Variants in ZNF326 observed in about 807,000 individuals in gnomAD.
ZNF326 encodes the protein DBIRD complex subunit ZNF326.
In ZNF326, 30 loss-of-function variants were observed where a neutral mutation model predicts 63.1. The ratio of observed to expected loss-of-function variants is 0.48; its 90% CI spans 0.36 to 0.64. The LOEUF (loss-of-function observed/expected upper bound fraction) is 0.64. Ranked by LOEUF, ZNF326 falls within the 30% of genes least tolerant of loss-of-function variation. ZNF326 has a pLI of 0.00. For synonymous variants in ZNF326, 194 were observed against 228.2 expected, an observed-to-expected ratio of 0.85 and a Z score of 1.35; for missense variants, 609 against 720.3, an observed-to-expected ratio of 0.85 and a Z score of 1.77.
At chr1:89,998,814 A>C (rs1648526350) in intron 2 of ZNF326, among the ~76,000 whole-genome samples, 1 of 152,220 alleles carries the variant, frequency 6.6e-6, no homozygotes, top group Non-Finnish European at 1.5e-5. Flanking sequence ...AAACATATGA[A>C]GGACTTGAGG....
In ZNF326 at chr1:90,013,197, A is replaced by G. The variant is rs747674459; in HGVS notation, c.886A>G (p.Arg296Gly). The G allele has an allele frequency of 6.2e-7, 1 of 1,610,898 alleles. No individual in the cohort carries two copies. The highest frequency in any genetic ancestry group is 1.1e-5 in the South Asian group (1 of 90,486). Reference protein sequence around the residue: ...IEARREKQRRRREKNSEKYGD... With the variant: ...IEARREKQRRGREKNSEKYGD... ...GGCTCGGCGAGAGAAACAAAGGCGC[A>G]GAAGAGAAAAAAACAGTGAGAAATA... Residue 296 changes from arginine (R) to glycine (G), a missense_variant, in exon 7 of 12, where the codon AGA becomes GGA. Arg to Gly is a moderately radical substitution (Grantham distance 125). Around this residue, in one of 3 missense-constraint regions of ZNF326, gnomAD observed 399 missense variants for 444.3 expected, o/e 0.90. Transcript: ENST00000340281.
intron 9 of ZNF326, among the ~76,000 whole-genome samples, chr1:90,019,541 T>C (rs1011827320): frequency 6.6e-6 from 1 of 152,164 alleles, no homozygotes; most frequent in African/African-American, 2.4e-5. Flanking sequence ...ATGTTTTCTT[T>C]ATCCTTTTGT....
At chr1:90,008,396 A>G (rs909728922) in intron 5 of ZNF326, among the ~76,000 whole-genome samples, 3 of 152,224 alleles carry the variant, frequency 2.0e-5, no homozygotes, top group Non-Finnish European at 2.9e-5. Flanking sequence ...CTCTTGAGAA[A>G]TAATTTCCAC....
At chr1:90,018,588 G>A (rs940973853) in intron 8 of ZNF326, 97 bp from the exon 9 acceptor site, 6 of 582,316 alleles carry the variant, frequency 1.0e-5, no homozygotes, top group Non-Finnish European at 1.8e-5. Context: ...TTCTTATGTA[G>A]CAGATACTGT....
In ZNF326 at chr1:90,031,976, G is replaced by A. The variant is rs1448465101; in HGVS notation, c.*4275G>A. The stretch of plus-strand genomic sequence containing the variant: ...CAGTTCATTTTATAAATAAACAATT[G>A]ACTTTTTTTGGTAGTTATGGTCCCT... On this transcript the variant is annotated 3_prime_UTR_variant, in exon 12 of 12. Transcript: ENST00000340281. 1 of 152,126 alleles carries A rather than the reference G, an allele frequency of 6.6e-6. No individual in the cohort carries two copies. The allele number at this position is 152,126 out of a possible 1,614,324, so 9.4% of individuals were successfully genotyped here. A position where few individuals can be genotyped will look rare whatever the true frequency, so the allele number is the denominator to read the frequency against.
chr1:90,033,283 G>A lies in ZNF326; in HGVS notation c.*5582G>A, dbSNP rs1348773303. The A allele has an allele frequency of 1.3e-5, 2 of 151,980 alleles. No homozygotes were observed. The highest frequency in any genetic ancestry group is 2.9e-5 in the Non-Finnish European group (2 of 67,996). The allele number at this position is 151,980 out of a possible 1,614,324, so 9.4% of individuals were successfully genotyped here. ...TATATAAAAAGTTTGTTGACTCCTA[G>A]GCTCTCATTTGCAAGTAGACAAATG... On this transcript the variant is annotated 3_prime_UTR_variant, in exon 12 of 12. Transcript: ENST00000340281.
chr1:89,998,408 C>T (rs1648508273), intron 2 of ZNF326, among the ~76,000 whole-genome samples: 1 of 151,964 alleles, frequency 6.6e-6, no homozygotes, highest in African/African-American at 2.4e-5. Context: ...TTCCAAAGGG[C>T]CTAACTACAT....
chr1:90,008,702 T>TA (rs1008254966), intron 5 of ZNF326, among the ~76,000 whole-genome samples: 1 of 152,202 alleles, frequency 6.6e-6, no homozygotes, highest in Non-Finnish European at 1.5e-5. Flanking sequence ...GTATTTCTAG[T>TA]AAAAAAGGTA....
At chr1:90,026,096 T>A (rs1237655763) in intron 11 of ZNF326, among the ~76,000 whole-genome samples, 1 of 152,138 alleles carries the variant, frequency 6.6e-6, no homozygotes, top group Non-Finnish European at 1.5e-5. Flanking sequence ...CCTGAGTAGC[T>A]GGGACTACAG....
rs1423549450 is a variant in ZNF326, at chr1:90,005,260, A to C, written c.209+16A>C. 1.2e-6 allele frequency: 2 copies of C among 1,603,418 alleles called. No individual in the cohort carries two copies. Among genetic ancestry groups the C allele is most frequent in the Admixed American group, 3.5e-5 (2 of 56,962 alleles). Reference sequence around the variant, plus strand: ...GGGGTAGCAGGTAAATTGCTTAATCATTTGGCCAAATAATTAGACAACTAT... The same window carrying C: ...GGGGTAGCAGGTAAATTGCTTAATCCTTTGGCCAAATAATTAGACAACTAT... On this transcript the variant is annotated intron_variant, in intron 4 of 11. Coordinates refer to ENST00000340281, the MANE Select transcript of ZNF326 (RefSeq NM_182976.4).
At chr1:90,004,026 CTT>C (rs1323057498) in intron 2 of ZNF326, among the ~76,000 whole-genome samples, 1 of 151,926 alleles carries the variant, frequency 6.6e-6, no homozygotes, top group East Asian at 1.9e-4. Context: ...TTTTAAAGGA[CTT>C]TATAGAAAAC....
chr1:89,997,281 A>C (rs936503333), intron 1 of ZNF326, among the ~76,000 whole-genome samples: 5 of 152,208 alleles, frequency 3.3e-5, no homozygotes, highest in Non-Finnish European at 7.3e-5. Context: ...TGATGAGGAA[A>C]TTGGCAATAT....
At chr1:90,013,288 A>G (rs1649342780) in intron 7 of ZNF326, 51 bp downstream of exon 7, 2 of 1,372,362 alleles carry the variant, frequency 1.5e-6, no homozygotes, top group African/African-American at 1.5e-5. Context: ...GATTTCCTAG[A>G]AAAAGCCAAC....
At chr1:89,997,999 T>C (rs1027852091) in intron 1 of ZNF326, 111 bp from the exon 2 acceptor site, 6 of 830,740 alleles carry the variant, frequency 7.2e-6, no homozygotes, top group Non-Finnish European at 1.2e-5. Flanking sequence ...TTGCAGATAA[T>C]TGGGTTAATG....
intron 5 of ZNF326, 48 bp from the exon 6 acceptor site, chr1:90,010,040 T>A (rs554435584): frequency 6.5e-7 from 1 of 1,549,096 alleles, no homozygotes; most frequent in African/African-American, 1.4e-5. Flanking sequence ...GAATTCATAT[T>A]TTTTCTTGGA....
In ZNF326 at chr1:90,027,367, T is replaced by C; in HGVS notation, c.1415T>C (p.Phe472Ser). ...YERFVKGENP[F>S]EIQDHSQDQQ... ...TTATGTTTTTAGGGTGAGAATCCTT[T>C]TGAAATTCAAGACCATTCTCAGGAT... The change falls in exon 12 of 12, where the codon TTT (phenylalanine) becomes TCT (serine). Residue 472 changes from phenylalanine (F) to serine (S), a missense_variant. Coordinates refer to ENST00000340281, the MANE Select transcript of ZNF326 (RefSeq NM_182976.4). 6.2e-7 allele frequency: 1 copy of C among 1,613,620 alleles called. No individual in the cohort carries two copies. Among genetic ancestry groups the C allele is most frequent in the Non-Finnish European group, 8.5e-7 (1 of 1,179,840 alleles).
chr1:89,996,759 C>A (rs1023759250), intron 1 of ZNF326, among the ~76,000 whole-genome samples: 1 of 150,788 alleles, frequency 6.6e-6, no homozygotes, highest in East Asian at 1.9e-4. Flanking sequence ...AAACAAAAAA[C>A]CAACAACAAA....
intron 4 of ZNF326, 118 bp downstream of exon 4, chr1:90,005,362 A>G (rs757721681): frequency 2.8e-6 from 4 of 1,442,528 alleles, no homozygotes; most frequent in Non-Finnish European, 3.6e-6. Flanking sequence ...CTATTGAATC[A>G]TCACCTTAAA....
intron 11 of ZNF326, among the ~76,000 whole-genome samples, chr1:90,023,518 C>T (rs1050921224): frequency 6.6e-6 from 1 of 151,932 alleles, no homozygotes. Flanking sequence ...ATCTAATATT[C>T]GTTAATATTT....
Sources: allele counts gnomAD v4.1 joint callset (sites outside exome capture counted in the v4.1 genomes callset), GRCh38; gene constraint gnomAD v4.1.1; regional missense constraint gnomAD v4.1.1; transcripts MANE v1.5; gene names NCBI Gene and HGNC (gene_info 2026-07-23, HGNC 2026-07-21).